The following ADCK1 variants were observed in gnomAD, a reference collection of about 807,000 sequenced individuals.
ADCK1 encodes aarF domain-containing protein kinase 1.
In ADCK1, 41 loss-of-function variants were observed where a neutral mutation model predicts 52.3. That is an observed-to-expected ratio of 0.78 (90% CI 0.61 to 1.02). The LOEUF is 1.02. Among genes scored for constraint, ADCK1 ranks in the 50% least tolerant of loss-of-function variants. The pLI, the probability that ADCK1 is intolerant of heterozygous loss-of-function variation, is 0.00. For synonymous variants in ADCK1, 250 were observed against 274.6 expected (o/e 0.91, Z 0.89); for missense variants, 658 against 679.5 (o/e 0.97, Z 0.35).
At chr14:77,927,708 G>C (rs1338655410) in intron 9 of ADCK1, among the ~76,000 whole-genome samples, 1 of 152,188 alleles carries the variant, frequency 6.6e-6, no homozygotes, top group African/African-American at 2.4e-5. Flanking sequence ...GACAAGAAAG[G>C]CACCAGTTCC....
intron 9 of ADCK1, among the ~76,000 whole-genome samples, chr14:77,928,894 G>A (rs894270732): frequency 2.0e-5 from 3 of 152,140 alleles, no homozygotes; most frequent in African/African-American, 7.2e-5. Context: ...TTACTAACAA[G>A]GCAAGTACAC....
rs143381206 is a variant in ADCK1, at chr14:77,898,600, A to T, written c.583-500A>T. 2.6e-3 allele frequency among the ~76,000 whole-genome samples: 399 copies of T among 151,864 alleles called. 3 individuals carry two copies. The highest frequency in any genetic ancestry group is 9.3e-3 in the African/African-American group (384 of 41,512). On this transcript the variant is annotated intron_variant, in intron 5 of 10. Coordinates refer to ENST00000238561, the MANE Select transcript of ADCK1 (RefSeq NM_020421.4). The stretch of plus-strand genomic sequence containing the variant: ...AGTGGGAACTGAACAATGAGAACAC[A>T]TGGACACAGGGAGGGGAACAACACA...
At chr14:77,933,112 A>T in intron 10 of ADCK1, 108 bp from the exon 11 acceptor site, 1 of 1,125,096 alleles carries the variant, frequency 8.9e-7, no homozygotes, top group Non-Finnish European at 1.3e-6. Context: ...AGGGGCAGGG[A>T]GCTGGTGAGT....
chr14:77,819,136 T>A (rs1258390744), intron 2 of ADCK1, 23 bp downstream of exon 2: 1 of 1,613,014 alleles, frequency 6.2e-7, no homozygotes, highest in Non-Finnish European at 8.5e-7. Flanking sequence ...CTTTTGGGGG[T>A]AGCAGAGAAG....
intron 4 of ADCK1, among the ~76,000 whole-genome samples, chr14:77,871,816 C>T (rs2082784395): frequency 6.6e-6 from 1 of 152,164 alleles, no homozygotes; most frequent in Non-Finnish European, 1.5e-5. Context: ...CTCACAACTG[C>T]TCTGTGAGAG....
Position 77,931,616 on chromosome 14 carries a change from C to T in ADCK1, c.1305C>T (p.Asn435=), listed in dbSNP as rs545192306. ...PRQMLLILKT[N]DLLRGIEAAL... Reference sequence around the variant, plus strand: ...AGATGCTGCTCATCTTGAAGACCAACGACCTGCTGCGTGGCATTGAGGCCG... The same window carrying T: ...AGATGCTGCTCATCTTGAAGACCAATGACCTGCTGCGTGGCATTGAGGCCG... The change falls in exon 10 of 11, where the codon AAC becomes AAT. Residue 435 remains asparagine (N), a synonymous_variant. Coordinates refer to ENST00000238561, the MANE Select transcript of ADCK1 (RefSeq NM_020421.4). The T allele has an allele frequency of 2.2e-4, 347 of 1,613,384 alleles. 5 individuals carry two copies. The South Asian group carries it at 3.1e-3, about 14-fold the overall frequency.
intron 3 of ADCK1, among the ~76,000 whole-genome samples, chr14:77,836,350 G>A (rs923158435): frequency 6.6e-6 from 1 of 152,238 alleles, no homozygotes; most frequent in African/African-American, 2.4e-5. Context: ...AATGGATGAA[G>A]ATGGCTTCTG....
chr14:77,875,730 G>C (rs2082885344), intron 4 of ADCK1, among the ~76,000 whole-genome samples: 1 of 152,160 alleles, frequency 6.6e-6, no homozygotes, highest in Non-Finnish European at 1.5e-5. Flanking sequence ...TGGGAAGAGA[G>C]GAAGATGTCG....
At chr14:77,911,211 G>A (rs188898905) in intron 7 of ADCK1, among the ~76,000 whole-genome samples, 5 of 152,272 alleles carry the variant, frequency 3.3e-5, no homozygotes, top group East Asian at 3.9e-4. Context: ...AACTTGCCCC[G>A]TATCACACAG....
At chr14:77,897,802 C>T (rs573619364) in intron 5 of ADCK1, among the ~76,000 whole-genome samples, 1 of 152,314 alleles carries the variant, frequency 6.6e-6, no homozygotes, top group East Asian at 1.9e-4. Context: ...ACATTTGCAG[C>T]ACCCTCCCAG....
chr14:77,901,836 A>C (rs759303829), intron 6 of ADCK1, among the ~76,000 whole-genome samples: 1 of 152,158 alleles, frequency 6.6e-6, no homozygotes, highest in Non-Finnish European at 1.5e-5. Context: ...CCTTTATCCC[A>C]ACAGTGCAGG....
chr14:77,893,206 C>T (rs1347204094), intron 5 of ADCK1, among the ~76,000 whole-genome samples: 2 of 152,144 alleles, frequency 1.3e-5, no homozygotes, highest in African/African-American at 4.8e-5. Flanking sequence ...ACTAATTGGG[C>T]CCAGAGATTG....
chr14:77,843,046 C>T (rs1462098969), intron 3 of ADCK1, among the ~76,000 whole-genome samples: 4 of 152,088 alleles, frequency 2.6e-5, no homozygotes, highest in African/African-American at 9.6e-5. Context: ...TGTGCCACTA[C>T]TCCTAACTAA....
intron 7 of ADCK1, among the ~76,000 whole-genome samples, chr14:77,911,049 T>C (rs2083779835): frequency 6.6e-6 from 1 of 152,132 alleles, no homozygotes; most frequent in South Asian, 2.1e-4. Context: ...CAGAGTTATT[T>C]GGGGAAAAAC....
At chr14:77,814,150 C>T (rs2081392451) in intron 1 of ADCK1, among the ~76,000 whole-genome samples, 1 of 151,942 alleles carries the variant, frequency 6.6e-6, no homozygotes, top group South Asian at 2.1e-4. Flanking sequence ...GCAATCTCAG[C>T]TCACTGCAAC....
chr14:77,822,551 C>G, intron 3 of ADCK1, 33 bp downstream of exon 3: 1 of 1,552,240 alleles, frequency 6.4e-7, no homozygotes, highest in Non-Finnish European at 8.9e-7. Context: ...CTGAGCCAGG[C>G]CAGGACTGGA....
At chr14:77,908,076 G>C (rs1595068915) in intron 7 of ADCK1, 157 bp downstream of exon 7, 1 of 613,618 alleles carries the variant, frequency 1.6e-6, no homozygotes, top group African/African-American at 1.9e-5. Flanking sequence ...GAGCAAGAAA[G>C]ATTCTTTCAG....
chr14:77,856,188 C>T (rs8015122), intron 3 of ADCK1, among the ~76,000 whole-genome samples: 34,991 of 151,882 alleles, frequency 0.23, 4,074 homozygotes, highest in Middle Eastern at 0.33. Context: ...CCAGCCTGGG[C>T]GACAGAGCAA....
intron 5 of ADCK1, 143 bp downstream of exon 5, chr14:77,887,392 A>G: frequency 2.1e-6 from 2 of 972,728 alleles, no homozygotes; most frequent in East Asian, 3.1e-5. Context: ...AGATTACGAC[A>G]GAGGAGGTGT....
Sources: gnomAD v4.1 joint callset for allele counts (sites outside exome capture counted in the v4.1 genomes callset) on GRCh38, gnomAD v4.1.1 for gene constraint, MANE v1.5 for transcripts, NCBI Gene and HGNC (gene_info 2026-07-23, HGNC 2026-07-21) for gene names.